NTF4: variants seen among roughly 807,000 people sequenced by gnomAD.
NTF4 encodes the protein neurotrophin-4.
NTF4 carries 2 observed loss-of-function variants against 4.4 expected under a neutral mutation model. The ratio of observed to expected loss-of-function variants is 0.46; its 90% CI spans 0.19 to 1.44. The LOEUF is 1.44. Ranked by LOEUF, NTF4 falls within the 40% of genes most tolerant of loss-of-function variation. NTF4 has a pLI of 0.26. For synonymous variants in NTF4, 127 were observed against 122.0 expected, an observed-to-expected ratio of 1.04 and a Z score of -0.27; for missense variants, 260 against 293.0, an observed-to-expected ratio of 0.89 and a Z score of 0.82.
downstream of NTF4, chr19:49,058,476 G>A: frequency 1.7e-6 from 1 of 595,128 alleles, no homozygotes; most frequent in Non-Finnish European, 2.9e-6. Context: ...AAATTCCCTG[G>A]CGCCTCCTCT....
chr19:49,064,720 C>A, upstream of NTF4: 1 of 153,374 alleles, frequency 6.5e-6, no homozygotes, highest in South Asian at 1.8e-4. Context: ...CCCTCCTTCT[C>A]GGATACTAAG....
downstream of NTF4, chr19:49,058,599 AG>A (rs2040095326): frequency 2.1e-5 from 10 of 465,558 alleles, no homozygotes; most frequent in South Asian, 2.1e-4. Context: ...GCTTCAGCCT[AG>A]GGTCTGCCCA....
At chr19:49,059,236 C>T (rs2040103546), downstream of NTF4, among the ~76,000 whole-genome samples, 1 of 152,188 alleles carries the variant, frequency 6.6e-6, no homozygotes, top group African/African-American at 2.4e-5. Context: ...CCCAACCCTT[C>T]CCGCACGTGC....
chr19:49,058,786 T>C (rs150634782), downstream of NTF4: 15 of 162,600 alleles, frequency 9.2e-5, no homozygotes, highest in East Asian at 2.7e-3. Flanking sequence ...CCCCTCCCTG[T>C]AGCCAAGCAG....
downstream of NTF4, chr19:49,058,550 T>A (rs958815341): frequency 1.4e-5 from 7 of 493,212 alleles, no homozygotes; most frequent in Admixed American, 3.8e-5. Flanking sequence ...AATCCCCTTT[T>A]CTCAGCCCCC....
chr19:49,061,073 G>A lies in NTF4; in HGVS notation c.*292C>T, dbSNP rs1323375808. On this transcript the variant is annotated 3_prime_UTR_variant, in exon 1 of 1. Transcript: ENST00000593537. The surrounding 1 kb of genome is among the most constrained non-coding windows in gnomAD (Gnocchi z 4.9). ...GGGCCACCAATGATCAAATCCATGA[G>A]AGTTGATCTGAGGAGTTATGTATTA... is the stretch of plus-strand genomic sequence containing the variant. The A allele has an allele frequency of 6.3e-6, 3 of 473,586 alleles. No individual in the cohort carries two copies. The highest frequency in any genetic ancestry group is 1.1e-5 in the Non-Finnish European group (3 of 262,968). 29.3% of individuals were successfully genotyped at this position (473,586 alleles called of 1,614,324 possible).
chr19:49,058,574 C>T (rs2040095106), downstream of NTF4: 5 of 483,624 alleles, frequency 1.0e-5, no homozygotes, highest in South Asian at 1.5e-4. Flanking sequence ...TTTCTGGGTC[C>T]CCAGGCCCCG....
In NTF4 at chr19:49,061,984, G is replaced by A. The variant is rs1442361369; in HGVS notation, c.14C>T (p.Pro5Leu). 2 of 1,472,886 alleles carry A rather than the reference G, an allele frequency of 1.4e-6. No individual in the cohort carries two copies. The highest frequency in any genetic ancestry group is 1.8e-4 in the Middle Eastern group (1 of 5,470). 91.2% of individuals were successfully genotyped at this position (1,472,886 alleles called of 1,614,324 possible). ...GAGGAGGATGGGGAGGGAGCATGAG[G>A]GGAGAGGGAGCATCTCTCGGAGCAC... The change falls in exon 1 of 1, where the codon CCC becomes CTC. Residue 5 changes from proline (P) to leucine (L), a missense_variant. Physicochemically the swap from Pro to Leu is moderately conservative, Grantham distance 98. Transcript: ENST00000593537. This position sits in a 1 kb window ranked among gnomAD's most constrained non-coding sequence, Gnocchi z 4.9.
upstream of NTF4, chr19:49,064,890 C>T (rs2040198021): frequency 1.3e-5 from 2 of 152,412 alleles, no homozygotes; most frequent in African/African-American, 4.8e-5. Flanking sequence ...CGTCCCTCCC[C>T]ACCCGAGGGC....
chr19:49,061,279 A>T lies in NTF4; in HGVS notation c.*86T>A, dbSNP rs1170696289. The T allele has an allele frequency of 1.3e-6, 2 of 1,585,764 alleles. No homozygotes were observed. Among genetic ancestry groups the T allele is most frequent in the Non-Finnish European group, 1.7e-6 (2 of 1,170,546 alleles). On this transcript the variant is annotated 3_prime_UTR_variant, in exon 1 of 1. Coordinates refer to ENST00000593537, the Ensembl canonical transcript of NTF4. The surrounding 1 kb of genome is among the most constrained non-coding windows in gnomAD (Gnocchi z 4.9). ...ATTGTGATTTTGTGATTATTTGATGAGTTCCCAAACTGGGGTCCTTAGATC... is the reference window on the plus strand; with the variant it reads ...ATTGTGATTTTGTGATTATTTGATGTGTTCCCAAACTGGGGTCCTTAGATC...
In NTF4 at chr19:49,061,334, T is replaced by C; in HGVS notation, c.*31A>G. The C allele has an allele frequency of 6.2e-7, 1 of 1,610,830 alleles. No homozygotes were observed. On this transcript the variant is annotated 3_prime_UTR_variant, in exon 1 of 1. Transcript: ENST00000593537. The surrounding 1 kb of genome is among the most constrained non-coding windows in gnomAD (Gnocchi z 4.9). ...GGGCCATCCCTGAGGTCTCTCAGCA[T>C]CCAGCTCTGTTATTTTCCTGGGCAT...
chr19:49,058,307 C>A (rs937374855), downstream of NTF4: 1 of 1,503,878 alleles, frequency 6.6e-7, no homozygotes, highest in East Asian at 2.5e-5. Flanking sequence ...ATGCGAGAAT[C>A]CTGCTTTGCA....
chr19:49,061,580 G>T lies in NTF4; in HGVS notation c.418C>A (p.Arg140Ser), dbSNP rs201069064. 6.2e-7 allele frequency: 1 copy of T among 1,614,140 alleles called. No individual in the cohort carries two copies. The highest frequency in any genetic ancestry group is 2.2e-5 in the East Asian group (1 of 44,886). ...TCCTCAGCGTTATCAGCCTTGCAGC[G>T]GGTTTCAAAGAAGTACTGGCGGAGG... Residue 140 changes from arginine (R) to serine (S), a missense_variant, in exon 1 of 1, where the codon CGC becomes AGC. Coordinates refer to ENST00000593537, the Ensembl canonical transcript of NTF4. This position sits in a 1 kb window ranked among gnomAD's most constrained non-coding sequence, Gnocchi z 4.9.
downstream of NTF4, among the ~76,000 whole-genome samples, chr19:49,059,019 G>A (rs1167322888): frequency 6.6e-6 from 1 of 152,102 alleles, no homozygotes; most frequent in African/African-American, 2.4e-5. Flanking sequence ...AGACCCAGGG[G>A]GTGGGGGAGA....
upstream of NTF4, chr19:49,064,427 C>A: frequency 6.3e-6 from 1 of 159,138 alleles, no homozygotes; most frequent in South Asian, 1.7e-4. Context: ...TTCAGATCCC[C>A]AGCGCCCTCC....
chr19:49,059,213 G>A (rs779698713), downstream of NTF4, among the ~76,000 whole-genome samples: 9 of 152,162 alleles, frequency 5.9e-5, no homozygotes, highest in Non-Finnish European at 1.2e-4. Flanking sequence ...ATTTCCAGAT[G>A]TCCCCGGGGC....
At chr19:49,062,884 T>C (rs1356453138), upstream of NTF4, among the ~76,000 whole-genome samples, 1 of 152,220 alleles carries the variant, frequency 6.6e-6, no homozygotes, top group Non-Finnish European at 1.5e-5. Flanking sequence ...AGTTAATGAT[T>C]TGTGCCCGGT....
At chr19:49,060,036 C>CAAAAA (rs55870191), downstream of NTF4, among the ~76,000 whole-genome samples, 1,242 of 28,454 alleles carry the variant, frequency 0.044, 381 homozygotes, top group Middle Eastern at 0.1. Context: ...GACTCCATCT[C>CAAAAA]AAAAAAAAAA....
At position 49,061,864 on chromosome 19, in the gene NTF4, C is replaced by CG; in HGVS notation, c.133dup (p.Arg45ProfsTer6). 4 of 1,535,630 alleles carry CG rather than the reference C, an allele frequency of 2.6e-6. No individual in the cohort carries two copies. Among genetic ancestry groups the CG allele is most frequent in the South Asian group, 1.2e-5 (1 of 83,648 alleles). On this transcript the variant is annotated frameshift_variant, in exon 1 of 1. Coordinates refer to ENST00000593537, the Ensembl canonical transcript of NTF4. LOFTEE classifies it low-confidence loss of function (END_TRUNC). This position sits in a 1 kb window ranked among gnomAD's most constrained non-coding sequence, Gnocchi z 4.9. ...AGGGGCACCCCTAGACAGGACTACT[C>CG]GGGGGGAGAGAAGGTCCCACTCAGG...
Sources: gnomAD v4.1 joint callset for allele counts (sites outside exome capture counted in the v4.1 genomes callset) on GRCh38, gnomAD v4.1.1 for gene constraint, Gnocchi (gnomAD v3.1) non-coding constraint, MANE v1.5 for transcripts, NCBI Gene and HGNC (gene_info 2026-07-23, HGNC 2026-07-21) for gene names.